GNG4: variants seen among roughly 807,000 people sequenced by gnomAD.
The protein encoded by GNG4 is guanine nucleotide-binding protein G(I)/G(S)/G(O) subunit gamma-4.
In GNG4, 4 loss-of-function variants were observed where a neutral mutation model predicts 5.8. That is an observed-to-expected ratio of 0.69 (90% confidence interval 0.34 to 1.57). GNG4 has a LOEUF of 1.57. GNG4 is among the 40% of genes most tolerant of loss of function. The pLI, the probability that GNG4 is intolerant of heterozygous loss-of-function variation, is 0.06. For synonymous variants in GNG4, 29 were observed against 32.9 expected, an observed-to-expected ratio of 0.88 and a Z score of 0.41; for missense variants, 96 against 95.1, an observed-to-expected ratio of 1.01 and a Z score of -0.04.
intron 3 of GNG4, among the ~76,000 whole-genome samples, chr1:235,568,484 T>TA (rs1441229973): frequency 3.3e-5 from 5 of 152,220 alleles, no homozygotes; most frequent in Non-Finnish European, 5.9e-5. Flanking sequence ...TGAAATTCAA[T>TA]GGAATAAAAT....
At chr1:235,624,290 T>C (rs1688766913) in intron 1 of GNG4, among the ~76,000 whole-genome samples, 1 of 151,294 alleles carries the variant, frequency 6.6e-6, no homozygotes, top group Admixed American at 6.6e-5. Context: ...TTTTTTTTTT[T>C]AGTAGAGATG....
In GNG4 at chr1:235,648,024, T is replaced by G. The variant is rs74962100; in HGVS notation, c.-123+1638A>C. 7.4e-6 allele frequency among the ~76,000 whole-genome samples: 1 copy of G among 135,178 alleles called. No individual in the cohort carries two copies. Among genetic ancestry groups the G allele is most frequent in the Non-Finnish European group, 1.5e-5 (1 of 66,014 alleles). The allele number at this position is 135,178 out of a possible 152,430, so 88.7% of individuals were successfully genotyped here. ...ACTGTAAAGTGAATCTAGGAAAAGC[T>G]TTTTTTTTTTCTGGTTTCTCCACCA... On this transcript the variant is annotated intron_variant, in intron 1 of 3. Transcript: ENST00000391854. The surrounding 1 kb of genome is among the most constrained non-coding windows in gnomAD (Gnocchi z 5.0).
intron 3 of GNG4, among the ~76,000 whole-genome samples, chr1:235,577,005 C>A (rs1422950775): frequency 1.3e-5 from 2 of 152,230 alleles, no homozygotes; most frequent in Non-Finnish European, 2.9e-5. Context: ...ACTTCTGCAA[C>A]CCCAGAACTG....
At chr1:235,573,243 C>T (rs569383370) in intron 3 of GNG4, among the ~76,000 whole-genome samples, 7 of 149,536 alleles carry the variant, frequency 4.7e-5, no homozygotes, top group African/African-American at 1.7e-4. Flanking sequence ...AACCAAACGC[C>T]GCATGTTCTC....
At chr1:235,590,454 A>G (rs75172908) in intron 2 of GNG4, among the ~76,000 whole-genome samples, 53 of 149,180 alleles carry the variant, frequency 3.6e-4, no homozygotes, top group Non-Finnish European at 5.5e-4. Context: ...GACTGTCTGG[A>G]AAAAAAAAGA....
intron 3 of GNG4, among the ~76,000 whole-genome samples, chr1:235,559,974 C>T (rs1218986184): frequency 1.3e-5 from 2 of 152,184 alleles, no homozygotes; most frequent in Admixed American, 6.5e-5. Context: ...CCTAGATCCA[C>T]CCTGGACCTT....
chr1:235,628,422 G>T (rs890588182), intron 1 of GNG4, among the ~76,000 whole-genome samples: 2 of 150,630 alleles, frequency 1.3e-5, no homozygotes, highest in East Asian at 1.9e-4. Flanking sequence ...GAGACGGGGG[G>T]GGGTTACAAG....
At position 235,583,788 on chromosome 1, in the gene GNG4, C is replaced by T. The variant is rs1307233157; in HGVS notation, c.51G>A (p.Arg17=). The T allele has an allele frequency of 6.2e-7, 1 of 1,613,906 alleles. No homozygotes were observed. Among genetic ancestry groups the T allele is most frequent in the Non-Finnish European group, 8.5e-7 (1 of 1,179,910 alleles). The change falls in exon 3 of 4, where the codon AGG becomes AGA. Residue 17 remains arginine (R), a synonymous_variant. Coordinates refer to ENST00000391854, the MANE Select transcript of GNG4 (RefSeq NM_001098722.2). ...CCATCTTTAGCTGCTCCACAGCTTT[C>T]CTGGCTTGGGAGATGCTAGTGGTGC... is the stretch of plus-strand genomic sequence containing the variant. ...NNSTTSISQA[R]KAVEQLKMEA... is the part of the protein sequence containing the mutation.
intron 1 of GNG4, among the ~76,000 whole-genome samples, chr1:235,611,481 A>G (rs1688473828): frequency 6.6e-6 from 1 of 152,122 alleles, no homozygotes; most frequent in Non-Finnish European, 1.5e-5. Flanking sequence ...CCCTGGACCG[A>G]GATTCTTGAA....
Position 235,550,340 on chromosome 1 carries a change from T to C in GNG4, c.*1769A>G, listed in dbSNP as rs976185033. 6.6e-6 allele frequency: 1 copy of C among 152,208 alleles called. No individual in the cohort carries two copies. Among genetic ancestry groups the C allele is most frequent in the African/African-American group, 2.4e-5 (1 of 41,436 alleles). The allele number at this position is 152,208 out of a possible 1,614,324, so 9.4% of individuals were successfully genotyped here. A position where few individuals can be genotyped will look rare whatever the true frequency, so the allele number is the denominator to read the frequency against. On this transcript the variant is annotated 3_prime_UTR_variant, in exon 4 of 4. Coordinates refer to ENST00000391854, the MANE Select transcript of GNG4 (RefSeq NM_001098722.2). ...CTTCACGGTGTGCAGTTATGATAGT[T>C]TGTGGGTCTCCCTACCTGCAAACAG...
chr1:235,597,618 G>A (rs865898694), intron 1 of GNG4, among the ~76,000 whole-genome samples: 5,552 of 102,606 alleles, frequency 0.054, 258 homozygotes, highest in African/African-American at 0.098. Flanking sequence ...GTGTGTGTGT[G>A]TGTGTGTGTG....
intron 3 of GNG4, among the ~76,000 whole-genome samples, chr1:235,558,431 T>C (rs1217506233): frequency 6.6e-6 from 1 of 152,216 alleles, no homozygotes; most frequent in Non-Finnish European, 1.5e-5. Flanking sequence ...TAATGTGATC[T>C]GAAAAGATAA....
intron 3 of GNG4, among the ~76,000 whole-genome samples, chr1:235,554,254 C>CAA (rs753771263): frequency 1.3e-5 from 2 of 152,230 alleles, no homozygotes; most frequent in Non-Finnish European, 2.9e-5. Flanking sequence ...GTGCCCTCCC[C>CAA]AACTGCTGGA....
At chr1:235,589,794 C>T (rs577898045) in intron 2 of GNG4, among the ~76,000 whole-genome samples, 11 of 152,324 alleles carry the variant, frequency 7.2e-5, no homozygotes, top group Admixed American at 3.9e-4. Flanking sequence ...ACCAAGGACA[C>T]GGTCACTAGT....
rs1267849239 is a variant in GNG4 at position 235,649,341 on chromosome 1, C to A, written c.-123+321G>T. On this transcript the variant is annotated intron_variant, in intron 1 of 3. Coordinates refer to ENST00000391854, the MANE Select transcript of GNG4 (RefSeq NM_001098722.2). This position sits in a 1 kb window ranked among gnomAD's most constrained non-coding sequence, Gnocchi z 5.7. ...GTGACCTACAAATGGAAGAGGGGACCCCCGAGCCCCCGCCTGCCTCATGCC... is the reference window on the plus strand; with the variant it reads ...GTGACCTACAAATGGAAGAGGGGACACCCGAGCCCCCGCCTGCCTCATGCC... 1.3e-5 allele frequency among the ~76,000 whole-genome samples: 2 copies of A among 152,212 alleles called. No individual in the cohort carries two copies. Among genetic ancestry groups the A allele is most frequent in the Non-Finnish European group, 2.9e-5 (2 of 68,022 alleles).
Position 235,548,045 on chromosome 1 carries a change from G to A in GNG4, c.*4064C>T, listed in dbSNP as rs543632111. The A allele has an allele frequency of 6.6e-6, 1 of 152,166 alleles. No individual in the cohort carries two copies. The highest frequency in any genetic ancestry group is 1.5e-5 in the Non-Finnish European group (1 of 68,036). The allele number at this position is 152,166 out of a possible 1,614,324, so 9.4% of individuals were successfully genotyped here. A position where few individuals can be genotyped will look rare whatever the true frequency, so the allele number is the denominator to read the frequency against. On this transcript the variant is annotated 3_prime_UTR_variant, in exon 4 of 4. Transcript: ENST00000391854. Reference sequence around the variant, plus strand: ...TCCCATTGCAGTCTGGGATTCCATCGTGTGAATATACCCTAATGTGCTTAT... The same window carrying A: ...TCCCATTGCAGTCTGGGATTCCATCATGTGAATATACCCTAATGTGCTTAT...
At chr1:235,606,853 G>C (rs180804434) in intron 1 of GNG4, among the ~76,000 whole-genome samples, 5 of 152,152 alleles carry the variant, frequency 3.3e-5, no homozygotes, top group Non-Finnish European at 5.9e-5. Flanking sequence ...AAGCAGCATG[G>C]GGGGGCGAGC....
At chr1:235,598,953 C>T (rs957088225) in intron 1 of GNG4, among the ~76,000 whole-genome samples, 2 of 152,094 alleles carry the variant, frequency 1.3e-5, no homozygotes, top group Non-Finnish European at 2.9e-5. Context: ...TCTTGAACCC[C>T]TGACCTCAAG....
At chr1:235,562,714 G>A (rs1687100319) in intron 3 of GNG4, among the ~76,000 whole-genome samples, 1 of 150,938 alleles carries the variant, frequency 6.6e-6, no homozygotes, top group Non-Finnish European at 1.5e-5. Context: ...TTCTGATTGG[G>A]ATCACATTGA....
Sources: allele counts gnomAD v4.1 joint callset (sites outside exome capture counted in the v4.1 genomes callset), GRCh38; gene constraint gnomAD v4.1.1; non-coding constraint Gnocchi (gnomAD v3.1); transcripts MANE v1.5; gene names NCBI Gene and HGNC (gene_info 2026-07-23, HGNC 2026-07-21).